DLC1: variants seen among roughly 807,000 people sequenced by gnomAD.
The protein encoded by DLC1 is rho GTPase-activating protein 7.
In DLC1, 54 loss-of-function variants were observed where a neutral mutation model predicts 140.3. That is an observed-to-expected ratio of 0.38 (90% confidence interval 0.31 to 0.48). The LOEUF (loss-of-function observed/expected upper bound fraction) is 0.48, where lower values mean the gene tolerates loss of function less well. Among genes scored for constraint, DLC1 ranks in the 20% least tolerant of loss-of-function variants. The pLI is 0.96. For synonymous variants in DLC1, 986 were observed against 728.1 expected (o/e 1.35, Z -5.70); for missense variants, 2,536 against 1,907.0 (o/e 1.33, Z -6.14).
chr8:13,529,423 C>T (rs1403424836), intron 1 of DLC1, among the ~76,000 whole-genome samples: 1 of 152,130 alleles, frequency 6.6e-6, no homozygotes, highest in Non-Finnish European at 1.5e-5. Flanking sequence ...CCTTCCTATC[C>T]TAAGGTCTAA....
Position 13,496,785 on chromosome 8 carries a change from CCTTTTTTTT to C in DLC1, c.1023+2255_1023+2263del, listed in dbSNP as rs1158082071. On this transcript the variant is annotated intron_variant, in intron 2 of 17. Coordinates refer to ENST00000276297, the MANE Select transcript of DLC1 (RefSeq NM_182643.3). ...TAATTAACAAATTCTTAGACCATTT[CCTTTTTTTT>C]TTTTTTTTTTTTTTTTTTTTTTTTG... is the stretch of plus-strand genomic sequence containing the variant. Among the ~76,000 whole-genome samples, 5 of 8,630 alleles carry C rather than the reference CCTTTTTTTT, an allele frequency of 5.8e-4. 1 individual carries two copies. Among genetic ancestry groups the C allele is most frequent in the South Asian group, 6.4e-3 (2 of 314 alleles). The allele number at this position is 8,630 out of a possible 152,430, so 5.7% of individuals were successfully genotyped here.
At chr8:13,420,099 T>C (rs1271998461) in intron 2 of DLC1, among the ~76,000 whole-genome samples, 3 of 152,182 alleles carry the variant, frequency 2.0e-5, no homozygotes, top group Non-Finnish European at 4.4e-5. Flanking sequence ...TTGATTCTTC[T>C]CTCTTTTTTT....
chr8:13,424,215 A>G (rs1230140462), intron 2 of DLC1, among the ~76,000 whole-genome samples: 2 of 152,086 alleles, frequency 1.3e-5, no homozygotes, highest in East Asian at 3.9e-4. Flanking sequence ...AATAAAAATC[A>G]AGGCCGGGTT....
chr8:13,598,423 G>A (rs1412394724), intron 1 of DLC1, among the ~76,000 whole-genome samples: 3 of 151,708 alleles, frequency 2.0e-5, no homozygotes, highest in Admixed American at 6.6e-5. Flanking sequence ...TGTTTACACA[G>A]CCAACAAACA....
chr8:13,520,311 A>C (rs182152267), intron 1 of DLC1, among the ~76,000 whole-genome samples: 2 of 152,236 alleles, frequency 1.3e-5, no homozygotes, highest in East Asian at 1.9e-4. Context: ...GGAAGAGTTC[A>C]TGCCCTTTGC....
At chr8:13,183,725 T>G (rs1285297811) in intron 5 of DLC1, among the ~76,000 whole-genome samples, 1 of 152,222 alleles carries the variant, frequency 6.6e-6, no homozygotes, top group Non-Finnish European at 1.5e-5. Flanking sequence ...TGCCAGTATT[T>G]TACTGAGGAT....
rs1248507386 is a variant in DLC1 at position 13,095,120 on chromosome 8, G to A, written c.3293C>T (p.Ala1098Val). 6.2e-7 allele frequency: 1 copy of A among 1,614,262 alleles called. No homozygotes were observed. Among genetic ancestry groups the A allele is most frequent in the Non-Finnish European group, 8.5e-7 (1 of 1,180,050 alleles). Reference protein sequence around the residue: ...GQPLPQSIQQAMRYLRNHCLD... With the variant: ...GQPLPQSIQQVMRYLRNHCLD... ...ACAATGGTTCCGGAGGTATCGCATG[G>A]CCTGCTGGATGCTCTGAGGCAACGG... The change falls in exon 11 of 18, where the codon GCC becomes GTC. Residue 1098 changes from alanine (A) to valine (V), a missense_variant. Physicochemically the swap from Ala to Val is moderately conservative, Grantham distance 64 (BLOSUM62 0). Coordinates refer to ENST00000276297, the MANE Select transcript of DLC1 (RefSeq NM_182643.3).
At chr8:13,291,348 A>G (rs1325820128) in intron 5 of DLC1, among the ~76,000 whole-genome samples, 1 of 152,250 alleles carries the variant, frequency 6.6e-6, no homozygotes, top group Non-Finnish European at 1.5e-5. Context: ...TTTGGATAGT[A>G]AATATTTTTT....
At chr8:13,563,378 A>G (rs1947900) in intron 1 of DLC1, among the ~76,000 whole-genome samples, 144,755 of 152,278 alleles carry the variant, frequency 0.95, 69,247 homozygotes, top group East Asian at 1. Context: ...GATATAAAAC[A>G]AAGTATTTAT....
chr8:13,230,603 T>C (rs1416358407), intron 5 of DLC1, among the ~76,000 whole-genome samples: 2 of 149,852 alleles, frequency 1.3e-5, no homozygotes, highest in Non-Finnish European at 3.0e-5. Flanking sequence ...TTTTCTTTTT[T>C]TTTTTTTTTT....
intron 5 of DLC1, among the ~76,000 whole-genome samples, chr8:13,216,535 C>T (rs117096799): frequency 0.021 from 3,201 of 152,228 alleles, 55 homozygotes; most frequent in African/African-American, 0.042. Context: ...TACCCCATCC[C>T]TCTACCCAGC....
chr8:13,135,282 G>C (rs1369260888), intron 5 of DLC1, among the ~76,000 whole-genome samples: 1 of 148,770 alleles, frequency 6.7e-6, no homozygotes, highest in African/African-American at 2.5e-5. Context: ...TCGGGTTCAC[G>C]CCATTCTCCT....
intron 1 of DLC1, among the ~76,000 whole-genome samples, chr8:13,512,810 A>G (rs566465340): frequency 6.6e-6 from 1 of 152,246 alleles, no homozygotes; most frequent in East Asian, 1.9e-4. Context: ...AATTATTAGC[A>G]TATGGATTGA....
chr8:13,399,801 T>C (rs958625269), intron 3 of DLC1, among the ~76,000 whole-genome samples: 1 of 152,226 alleles, frequency 6.6e-6, no homozygotes, highest in Non-Finnish European at 1.5e-5. Flanking sequence ...ATTTTTATTA[T>C]ATGCAGAACT....
chr8:13,347,362 C>A (rs1360186296), intron 4 of DLC1, among the ~76,000 whole-genome samples: 1 of 152,148 alleles, frequency 6.6e-6, no homozygotes, highest in Non-Finnish European at 1.5e-5. Context: ...CCACCTGACA[C>A]AGAGAGCCCT....
chr8:13,487,222 G>T (rs951929664), intron 2 of DLC1, among the ~76,000 whole-genome samples: 2 of 152,174 alleles, frequency 1.3e-5, no homozygotes, highest in African/African-American at 4.8e-5. Flanking sequence ...TGCATTTCCA[G>T]TTGTGGATGA....
chr8:13,161,068 G>A (rs932669553), intron 5 of DLC1, among the ~76,000 whole-genome samples: 4 of 152,186 alleles, frequency 2.6e-5, no homozygotes, highest in African/African-American at 9.6e-5. Context: ...GCGACAGAGC[G>A]AGACTCCGTC....
At position 13,530,981 on chromosome 8, in the gene DLC1, G is replaced by A. The variant is rs1389022508; in HGVS notation, c.-125-30785C>T. Among the ~76,000 whole-genome samples, 3 of 152,186 alleles carry A rather than the reference G, an allele frequency of 2.0e-5. No individual in the cohort carries two copies. In the East Asian group the frequency reaches 5.8e-4, roughly 29 times the overall value. On this transcript the variant is annotated intron_variant, in intron 1 of 1. Transcript: ENST00000631382. ...GTATTTGGAGATGATGCATTTGGGA[G>A]ACAATTAGATTGAAATGAGTTAGGA... is the stretch of plus-strand genomic sequence containing the variant.
intron 5 of DLC1, among the ~76,000 whole-genome samples, chr8:13,176,724 G>A (rs573200640): frequency 6.6e-6 from 1 of 152,106 alleles, no homozygotes; most frequent in Non-Finnish European, 1.5e-5. Flanking sequence ...TATGTTACAC[G>A]GCAATGAAGA....
Sources: allele counts gnomAD v4.1 joint callset (sites outside exome capture counted in the v4.1 genomes callset), GRCh38; gene constraint gnomAD v4.1.1; transcripts MANE v1.5; gene names NCBI Gene and HGNC (gene_info 2026-07-23, HGNC 2026-07-21).